The following RNF128 variants were observed in gnomAD, a reference collection of about 807,000 sequenced individuals.
RNF128 encodes ring finger protein 128, also known as E3 ubiquitin-protein ligase RNF128.
In RNF128, 13 loss-of-function variants were observed where a neutral mutation model predicts 26.2. That is an observed-to-expected ratio of 0.50 (90% confidence interval 0.32 to 0.79). The LOEUF (loss-of-function observed/expected upper bound fraction) is 0.79, where lower values mean the gene tolerates loss of function less well. RNF128 is among the 30% of genes least tolerant of loss of function. The pLI is 0.03. For missense variants in RNF128, 315 were observed against 349.7 expected (o/e 0.90, Z 0.79); for synonymous variants, 149 against 142.5 (o/e 1.05, Z -0.32).
intron 1 of RNF128, among the ~76,000 whole-genome samples, chrX:106,772,145 AT>A (rs199783062): frequency 0.028 from 3,087 of 111,552 alleles, 102 homozygotes; most frequent in African/African-American, 0.095. Context: ...TTTGTACTTT[AT>A]TTTTTTCCAC....
chrX:106,770,391 G>A (rs991687880), intron 1 of RNF128, among the ~76,000 whole-genome samples: 9 of 111,686 alleles, frequency 8.1e-5, no homozygotes, highest in African/African-American at 1.6e-4. Flanking sequence ...CCAATCAGAC[G>A]TAGATTTGGT....
chrX:106,744,477 A>AATATATAT (rs767816803), intron 1 of RNF128, among the ~76,000 whole-genome samples: 2 of 110,030 alleles, frequency 1.8e-5, no homozygotes, highest in African/African-American at 6.6e-5. Flanking sequence ...ATTTTAAATG[A>AATATATAT]ATATATATAT....
chrX:106,717,324 G>C (rs933074533), intron 1 of RNF128, among the ~76,000 whole-genome samples: 20 of 112,090 alleles, frequency 1.8e-4, no homozygotes, highest in African/African-American at 5.8e-4. Context: ...ATTTGGAATA[G>C]GGAAGAGACT....
At chrX:106,713,132 C>T (rs776359413) in intron 1 of RNF128, among the ~76,000 whole-genome samples, 1 of 108,277 alleles carries the variant, frequency 9.2e-6, no homozygotes, top group Admixed American at 9.8e-5. Context: ...CCCCCACCCC[C>T]CGCCTTGGGC....
intron 1 of RNF128, among the ~76,000 whole-genome samples, chrX:106,704,024 C>T (rs377255350): frequency 3.6e-5 from 4 of 109,619 alleles, no homozygotes; most frequent in Non-Finnish European, 5.7e-5. Flanking sequence ...ATAATGTCTT[C>T]GATAAATGTG....
intron 3 of RNF128, among the ~76,000 whole-genome samples, chrX:106,787,689 C>T (rs1407191422): frequency 8.1e-5 from 9 of 110,935 alleles, no homozygotes; most frequent in African/African-American, 2.9e-4. Context: ...CTACATGTTT[C>T]CCTTTGTTCT....
At chrX:106,785,278 G>T (rs138667894) in intron 3 of RNF128, 142 bp downstream of exon 3, 19,882 of 448,165 alleles carry the variant, frequency 0.044, 440 homozygotes, top group Non-Finnish European at 0.054. Context: ...CTAGAGGTTG[G>T]CTGAATAATG....
At chrX:106,698,435 A>G (rs975239173) in intron 1 of RNF128, among the ~76,000 whole-genome samples, 23 of 111,171 alleles carry the variant, frequency 2.1e-4, no homozygotes, top group Non-Finnish European at 3.6e-4. Flanking sequence ...ATAGCAGCAA[A>G]CTCACATGCT....
chrX:106,764,710 A>C (rs1930185159), intron 1 of RNF128, among the ~76,000 whole-genome samples: 1 of 112,178 alleles, frequency 8.9e-6, no homozygotes, highest in Non-Finnish European at 1.9e-5. Context: ...CCAACTTATT[A>C]GCAGTACACA....
intron 1 of RNF128, among the ~76,000 whole-genome samples, chrX:106,748,386 G>C (rs1202716251): frequency 8.9e-6 from 1 of 112,150 alleles, no homozygotes. Flanking sequence ...AAACAACATA[G>C]ATTCAGTGAT....
At chrX:106,738,603 A>T (rs1278554712) in intron 1 of RNF128, among the ~76,000 whole-genome samples, 1 of 111,656 alleles carries the variant, frequency 9.0e-6, no homozygotes, top group Non-Finnish European at 1.9e-5. Flanking sequence ...TAAAATCAAG[A>T]TATTAAGCTC....
intron 1 of RNF128, among the ~76,000 whole-genome samples, chrX:106,707,203 A>G (rs1387269868): frequency 8.9e-6 from 1 of 111,891 alleles, no homozygotes; most frequent in Non-Finnish European, 1.9e-5. Context: ...AAATCCCTTA[A>G]ACTAAAACCC....
chrX:106,712,508 C>T (rs1929144168), intron 1 of RNF128, among the ~76,000 whole-genome samples: 1 of 111,925 alleles, frequency 8.9e-6, no homozygotes, highest in South Asian at 3.7e-4. Context: ...GCATGAGCAC[C>T]TTCTAATCCT....
intron 1 of RNF128, among the ~76,000 whole-genome samples, chrX:106,759,195 A>G (rs1930078180): frequency 8.9e-6 from 1 of 112,051 alleles, no homozygotes; most frequent in East Asian, 2.8e-4. Flanking sequence ...GCTCAACATA[A>G]TTGATCATCA....
chrX:106,705,299 G>T (rs1929026995), intron 1 of RNF128, among the ~76,000 whole-genome samples: 1 of 111,309 alleles, frequency 9.0e-6, no homozygotes, highest in Non-Finnish European at 1.9e-5. Context: ...AATTATTTGG[G>T]GCTCTTTTAA....
At chrX:106,757,344 A>G (rs1174639831) in intron 1 of RNF128, among the ~76,000 whole-genome samples, 2 of 92,276 alleles carry the variant, frequency 2.2e-5, no homozygotes, top group Admixed American at 1.3e-4. Context: ...CAAATGTCCA[A>G]CAATGATAGA....
chrX:106,695,804 A>G (rs185582594), intron 1 of RNF128, among the ~76,000 whole-genome samples: 28 of 112,102 alleles, frequency 2.5e-4, no homozygotes, highest in African/African-American at 8.4e-4. Flanking sequence ...TTCCTTTTGC[A>G]TGAACACATT....
intron 1 of RNF128, among the ~76,000 whole-genome samples, chrX:106,767,087 G>C (rs1025767495): frequency 1.8e-5 from 2 of 111,323 alleles, no homozygotes; most frequent in Non-Finnish European, 3.8e-5. Context: ...CTCTGTTTTG[G>C]TACCAGTACC....
At chrX:106,735,182 A>G (rs1235760091) in intron 1 of RNF128, among the ~76,000 whole-genome samples, 2 of 111,500 alleles carry the variant, frequency 1.8e-5, no homozygotes, top group Admixed American at 9.6e-5. Flanking sequence ...ATTCATGCTG[A>G]CCTCTGGGAA....
Sources: allele counts gnomAD v4.1 joint callset (sites outside exome capture counted in the v4.1 genomes callset), GRCh38; gene constraint gnomAD v4.1.1; transcripts MANE v1.5; gene names NCBI Gene and HGNC (gene_info 2026-07-23, HGNC 2026-07-21).